The following QTMAN variants were observed in gnomAD, a reference collection of about 807,000 sequenced individuals.
QTMAN encodes the protein tRNA-queuosine alpha-mannosyltransferase.
chr2:144,009,859 AG>A, the QTMAN span, among the ~76,000 whole-genome samples: 1 of 152,074 alleles, frequency 6.6e-6, no homozygotes, highest in African/African-American at 2.4e-5. Context: ...TCACCAGAAA[AG>A]GTAAAAAAAT....
the QTMAN span, among the ~76,000 whole-genome samples, chr2:144,222,764 C>T: frequency 1.9e-3 from 286 of 152,088 alleles, 2 homozygotes; most frequent in African/African-American, 6.6e-3. Context: ...GCTGAGATGG[C>T]GCCACTGCAT....
the QTMAN span, among the ~76,000 whole-genome samples, chr2:143,950,499 T>TTAA: frequency 2.0e-5 from 3 of 151,658 alleles, no homozygotes; most frequent in African/African-American, 7.2e-5. Flanking sequence ...AATAACAGGG[T>TTAA]TAAGCAATGT....
chr2:144,083,061 T>G, the QTMAN span, among the ~76,000 whole-genome samples: 1 of 152,106 alleles, frequency 6.6e-6, no homozygotes. Context: ...AAGTAAGCAC[T>G]AGGTAAAAAG....
the QTMAN span, among the ~76,000 whole-genome samples, chr2:144,193,624 G>A: frequency 1.3e-5 from 2 of 151,736 alleles, no homozygotes; most frequent in Non-Finnish European, 2.9e-5. Context: ...GGGCTCAAGT[G>A]ATCGTCCCAC....
chr2:144,322,346 T>TTC, the QTMAN span, among the ~76,000 whole-genome samples: 3 of 152,184 alleles, frequency 2.0e-5, no homozygotes, highest in Non-Finnish European at 4.4e-5. Context: ...TGAGAAAAAG[T>TTC]TTAAGTATTT....
At chr2:144,045,822 C>A in the QTMAN span, among the ~76,000 whole-genome samples, 1 of 152,168 alleles carries the variant, frequency 6.6e-6, no homozygotes, top group Non-Finnish European at 1.5e-5. Flanking sequence ...AAACAGCAAA[C>A]AGAGAAGATC....
chr2:144,145,535 G>A, the QTMAN span: 2 of 1,506,904 alleles, frequency 1.3e-6, no homozygotes, highest in Non-Finnish European at 1.8e-6. Flanking sequence ...GAAAAAGGTA[G>A]CAAAGGGCCA....
At chr2:144,168,440 T>C in the QTMAN span, among the ~76,000 whole-genome samples, 282 of 152,320 alleles carry the variant, frequency 1.9e-3, no homozygotes, top group Middle Eastern at 0.017. Context: ...TTTTCTCTAA[T>C]ATGTACTAAA....
At chr2:144,006,721 T>A in the QTMAN span, 1 of 154,220 alleles carries the variant, frequency 6.5e-6, no homozygotes, top group Non-Finnish European at 1.4e-5. Flanking sequence ...AATGTACTGA[T>A]ATACATCTTA....
the QTMAN span, among the ~76,000 whole-genome samples, chr2:144,174,488 C>T: frequency 2.0e-5 from 3 of 152,176 alleles, no homozygotes; most frequent in Admixed American, 2.0e-4. Context: ...AAATTCAGTT[C>T]CTGTTACTTC....
chr2:144,319,247 T>C, the QTMAN span, among the ~76,000 whole-genome samples: 3 of 152,052 alleles, frequency 2.0e-5, no homozygotes, highest in East Asian at 3.9e-4. Context: ...TTTTTGCAAA[T>C]AGAAACATTT....
At chr2:144,176,778 A>C in the QTMAN span, among the ~76,000 whole-genome samples, 1 of 152,212 alleles carries the variant, frequency 6.6e-6, no homozygotes, top group Non-Finnish European at 1.5e-5. Flanking sequence ...CACAAAGATG[A>C]CTTGACTAAA....
the QTMAN span, among the ~76,000 whole-genome samples, chr2:144,100,898 C>A: frequency 1.9e-5 from 2 of 107,934 alleles, no homozygotes; most frequent in African/African-American, 7.3e-5. Context: ...GAGATGGAGT[C>A]CTGCTCTGTC....
the QTMAN span, among the ~76,000 whole-genome samples, chr2:143,969,370 A>G: frequency 6.6e-6 from 1 of 152,150 alleles, no homozygotes; most frequent in Admixed American, 6.5e-5. Context: ...AAAATTATAA[A>G]TTTCTTGAGA....
At chr2:144,234,646 TAAA>T in the QTMAN span, among the ~76,000 whole-genome samples, 1 of 152,192 alleles carries the variant, frequency 6.6e-6, no homozygotes, top group Non-Finnish European at 1.5e-5. Context: ...AATCAGCTGT[TAAA>T]AGAAGACCAA....
the QTMAN span, among the ~76,000 whole-genome samples, chr2:144,298,022 A>ATTTT: frequency 1.0e-4 from 15 of 144,112 alleles, no homozygotes; most frequent in Non-Finnish European, 2.0e-4. Flanking sequence ...GAATATTTTA[A>ATTTT]TTTTTTTTTT....
At chr2:144,018,728 A>C in the QTMAN span, among the ~76,000 whole-genome samples, 1 of 152,258 alleles carries the variant, frequency 6.6e-6, no homozygotes, top group Non-Finnish European at 1.5e-5. Context: ...GTCATTCCTC[A>C]TTCAACAAAA....
the QTMAN span, among the ~76,000 whole-genome samples, chr2:144,068,527 C>A: frequency 6.6e-6 from 1 of 152,052 alleles, no homozygotes; most frequent in African/African-American, 2.4e-5. Context: ...ATTACAAAAC[C>A]AATTTTAATC....
the QTMAN span, among the ~76,000 whole-genome samples, chr2:144,316,675 C>T: frequency 2.0e-5 from 3 of 152,128 alleles, no homozygotes; most frequent in Non-Finnish European, 2.9e-5. Context: ...ATACAATATT[C>T]GCAAATATGT....
Sources: allele counts gnomAD v4.1 joint callset (sites outside exome capture counted in the v4.1 genomes callset), GRCh38; gene constraint gnomAD v4.1.1; transcripts MANE v1.5; gene names NCBI Gene and HGNC (gene_info 2026-07-23, HGNC 2026-07-21).